The following TMEM45B variants were observed in gnomAD, a reference collection of about 807,000 sequenced individuals.
TMEM45B encodes the protein transmembrane protein 45B.
A neutral mutation model predicts 27.3 loss-of-function variants in TMEM45B; 29 were observed. That is an observed-to-expected ratio of 1.06 (90% CI 0.79 to 1.45). The LOEUF (loss-of-function observed/expected upper bound fraction) is 1.45, where lower values mean the gene tolerates loss of function less well. Among genes scored for constraint, TMEM45B ranks in the 40% most tolerant of loss-of-function variants. The pLI is 0.00. For synonymous variants in TMEM45B, 143 were observed against 134.7 expected, an observed-to-expected ratio of 1.06 and a Z score of -0.43; for missense variants, 348 against 343.9, an observed-to-expected ratio of 1.01 and a Z score of -0.09.
chr11:129,824,636 A>G (rs1213323392), intron 1 of TMEM45B, among the ~76,000 whole-genome samples: 1 of 152,266 alleles, frequency 6.6e-6, no homozygotes, highest in Non-Finnish European at 1.5e-5. Context: ...AGTTCAGTTC[A>G]GTTTAAGAAC....
At chr11:129,842,850 G>C (rs926120425) in intron 1 of TMEM45B, among the ~76,000 whole-genome samples, 7 of 152,184 alleles carry the variant, frequency 4.6e-5, no homozygotes, top group Admixed American at 4.6e-4. Context: ...ACCATGAAGA[G>C]AGTAAAGATA....
intron 2 of TMEM45B, 83 bp from the exon 3 acceptor site, chr11:129,854,527 C>G: frequency 7.0e-7 from 1 of 1,432,800 alleles, no homozygotes; most frequent in Non-Finnish European, 9.6e-7. Flanking sequence ...CTCCGCTTCG[C>G]TCATGCCTTT....
At chr11:129,854,891 T>A in intron 3 of TMEM45B, 75 bp downstream of exon 3, 1 of 1,538,254 alleles carries the variant, frequency 6.5e-7, no homozygotes, top group Non-Finnish European at 8.9e-7. Flanking sequence ...GTACAAAATA[T>A]CAGAAATGTT....
At chr11:129,852,418 T>C in intron 1 of TMEM45B, 57 bp from the exon 2 acceptor site, 1 of 1,488,356 alleles carries the variant, frequency 6.7e-7, no homozygotes. Flanking sequence ...CCTGCCAAAA[T>C]ATACATTTGT....
intron 3 of TMEM45B, among the ~76,000 whole-genome samples, chr11:129,855,147 A>G (rs200609322): frequency 1.3e-5 from 2 of 152,186 alleles, no homozygotes; most frequent in African/African-American, 2.4e-5. Flanking sequence ...GTATGTGCGC[A>G]CATACACATG....
chr11:129,849,528 T>G (rs1237152934), intron 1 of TMEM45B, among the ~76,000 whole-genome samples: 1 of 152,180 alleles, frequency 6.6e-6, no homozygotes, highest in Non-Finnish European at 1.5e-5. Context: ...TCCACCCCGG[T>G]GACAAATCTC....
chr11:129,826,313 G>A (rs1947478166), intron 1 of TMEM45B, among the ~76,000 whole-genome samples: 2 of 152,042 alleles, frequency 1.3e-5, no homozygotes, highest in South Asian at 4.1e-4. Context: ...ACTTTGGGAG[G>A]CCGAGGCGGG....
chr11:129,855,551 T>C (rs368583707), intron 3 of TMEM45B, among the ~76,000 whole-genome samples, 157 bp from the exon 4 acceptor site: 66 of 152,138 alleles, frequency 4.3e-4, no homozygotes, highest in African/African-American at 1.5e-3. Flanking sequence ...CCTAACATAC[T>C]CATGAAATAC....
intron 3 of TMEM45B, among the ~76,000 whole-genome samples, chr11:129,855,245 C>T (rs1947905177): frequency 6.6e-6 from 1 of 152,036 alleles, no homozygotes; most frequent in South Asian, 2.1e-4. Context: ...CTACCTTTTG[C>T]CCAGGGAGGT....
intron 1 of TMEM45B, among the ~76,000 whole-genome samples, chr11:129,822,274 T>C (rs1169196481): frequency 6.6e-6 from 1 of 152,218 alleles, no homozygotes; most frequent in Non-Finnish European, 1.5e-5. Context: ...CAGTACTTTT[T>C]CTACATTTTA....
At chr11:129,840,946 TAAAAAAAA>T (rs55905045) in intron 1 of TMEM45B, among the ~76,000 whole-genome samples, 6 of 29,274 alleles carry the variant, frequency 2.0e-4, no homozygotes, top group Admixed American at 1.3e-3. Flanking sequence ...TTTCTTTCTG[TAAAAAAAA>T]AAAAAAAAAA....
At chr11:129,838,708 C>T (rs1349931994) in intron 1 of TMEM45B, among the ~76,000 whole-genome samples, 1 of 152,198 alleles carries the variant, frequency 6.6e-6, no homozygotes, top group Non-Finnish European at 1.5e-5. Flanking sequence ...TCTGCCACCA[C>T]ACACTGGGAG....
At chr11:129,831,938 T>C (rs1311830467) in intron 1 of TMEM45B, among the ~76,000 whole-genome samples, 1 of 151,948 alleles carries the variant, frequency 6.6e-6, no homozygotes, top group South Asian at 2.1e-4. Context: ...TACTGGCGGA[T>C]GCCTGTAATC....
intron 1 of TMEM45B, among the ~76,000 whole-genome samples, chr11:129,825,402 G>C (rs1045327130): frequency 6.6e-6 from 1 of 152,200 alleles, no homozygotes; most frequent in African/African-American, 2.4e-5. Context: ...ATTTGGTGGG[G>C]AAAGAAGATG....
At chr11:129,848,873 A>G (rs1172473527) in intron 1 of TMEM45B, among the ~76,000 whole-genome samples, 5 of 152,164 alleles carry the variant, frequency 3.3e-5, no homozygotes, top group Non-Finnish European at 7.3e-5. Flanking sequence ...AAAGGGAAGC[A>G]ACTCCCTCCA....
At position 129,844,778 on chromosome 11, in the gene TMEM45B, T is replaced by G. The variant is rs548373495; in HGVS notation, c.-8-7697T>G. On this transcript the variant is annotated intron_variant, in intron 1 of 5. Transcript: ENST00000281441. ...TCTCATTACAAAGGAAAGGAAAGGGTACCAGGTAAGGTGATAACTCTGTTA... is the reference window on the plus strand; with the variant it reads ...TCTCATTACAAAGGAAAGGAAAGGGGACCAGGTAAGGTGATAACTCTGTTA... Among the ~76,000 whole-genome samples the G allele has an allele frequency of 7.2e-5, 11 of 152,336 alleles. No homozygotes were observed. In the East Asian group the frequency reaches 2.1e-3, roughly 29 times the overall value.
intron 1 of TMEM45B, among the ~76,000 whole-genome samples, chr11:129,835,041 T>C (rs1591440076): frequency 2.0e-5 from 3 of 152,330 alleles, no homozygotes; most frequent in East Asian, 1.9e-4. Context: ...GCAGAACTTA[T>C]AAATGATGAA....
intron 1 of TMEM45B, among the ~76,000 whole-genome samples, chr11:129,834,435 G>GA (rs35071607): frequency 1.4e-5 from 2 of 147,548 alleles, no homozygotes; most frequent in South Asian, 2.1e-4. Context: ...AGTCTCAAAG[G>GA]AAAAAAAAAA....
intron 1 of TMEM45B, among the ~76,000 whole-genome samples, chr11:129,817,223 G>A (rs775139383): frequency 6.6e-6 from 1 of 152,130 alleles, no homozygotes; most frequent in South Asian, 2.1e-4. Context: ...TTGTTCATGA[G>A]AGACGTGTAC....
Sources: allele counts gnomAD v4.1 joint callset (sites outside exome capture counted in the v4.1 genomes callset), GRCh38; gene constraint gnomAD v4.1.1; transcripts MANE v1.5; gene names NCBI Gene and HGNC (gene_info 2026-07-23, HGNC 2026-07-21).